CYRIB: variants seen among roughly 807,000 people sequenced by gnomAD.
The protein encoded by CYRIB is CYFIP-related Rac1 interactor B.
A neutral mutation model predicts 44.2 loss-of-function variants in CYRIB; 8 were observed. The observed-to-expected ratio is 0.18, with a 90% CI of 0.11 to 0.33. The LOEUF is 0.33. CYRIB is among the 10% of genes least tolerant of loss of function. The probability of loss-of-function intolerance (pLI) is 1.00; values close to 1 mark genes in which losing one functional copy is unlikely to be tolerated. For missense variants in CYRIB, 185 were observed against 382.8 expected (o/e 0.48, Z 4.31); for synonymous variants, 131 against 127.2 (o/e 1.03, Z -0.20).
At chr8:129,851,227 A>T (rs2043077543) in intron 8 of CYRIB, 1 of 285,832 alleles carries the variant, frequency 3.5e-6, no homozygotes, top group Non-Finnish European at 6.6e-6. Flanking sequence ...ATTTTATCCT[A>T]AGGGTACTAG....
chr8:129,885,137 C>T (rs532267397), intron 2 of CYRIB, among the ~76,000 whole-genome samples: 33 of 152,236 alleles, frequency 2.2e-4, no homozygotes, highest in Non-Finnish European at 4.3e-4. Context: ...TACTTTTTCT[C>T]CTCAAGGTAC....
chr8:129,852,429 A>T, intron 7 of CYRIB, 151 bp from the exon 10 acceptor site: 2 of 404,314 alleles, frequency 4.9e-6, no homozygotes, highest in Non-Finnish European at 4.3e-6. Flanking sequence ...AAAAAAAGTT[A>T]TTTTTTTTAA....
At chr8:129,995,437 C>T (rs572592159) in intron 1 of CYRIB, among the ~76,000 whole-genome samples, 24 of 152,270 alleles carry the variant, frequency 1.6e-4, no homozygotes, top group African/African-American at 5.8e-4. Context: ...CTTCCCCTAC[C>T]CTAGAAGCCA....
chr8:129,924,043 G>A (rs964782465), intron 1 of CYRIB, among the ~76,000 whole-genome samples: 1 of 148,412 alleles, frequency 6.7e-6, no homozygotes, highest in Admixed American at 6.8e-5. Flanking sequence ...GGCTGAGGCA[G>A]GAGAACTGCC....
rs796342201 is a variant in CYRIB, at chr8:129,857,450, A to G, written c.302-1703T>C. 2.6e-5 allele frequency among the ~76,000 whole-genome samples: 4 copies of G among 152,188 alleles called. No individual in the cohort carries two copies. In the South Asian group the frequency reaches 8.3e-4, roughly 32 times the overall value. On this transcript the variant is annotated intron_variant, in intron 5 of 11. Transcript: ENST00000519824. ...AGCATGACATACTTGAGGAACTGCAACACCACCAATATAGGAGCACAGAGG... is the reference window on the plus strand; with the variant it reads ...AGCATGACATACTTGAGGAACTGCAGCACCACCAATATAGGAGCACAGAGG...
chr8:129,943,463 C>A (rs2093885550), upstream of CYRIB, among the ~76,000 whole-genome samples: 1 of 151,464 alleles, frequency 6.6e-6, no homozygotes, highest in African/African-American at 2.4e-5. Flanking sequence ...CATGGTGGCA[C>A]GCGCCTCTGT....
chr8:129,967,535 A>T (rs558438782), intron 2 of CYRIB, among the ~76,000 whole-genome samples: 1 of 151,568 alleles, frequency 6.6e-6, no homozygotes, highest in East Asian at 1.9e-4. Flanking sequence ...GCCTGCCACC[A>T]TGCCCGGCTA....
At chr8:129,989,535 A>G (rs888546402) in intron 1 of CYRIB, among the ~76,000 whole-genome samples, 7 of 151,958 alleles carry the variant, frequency 4.6e-5, no homozygotes, top group Admixed American at 6.6e-5. Context: ...TAGCAGGTGC[A>G]TGGCCAGAGG....
intron 4 of CYRIB, among the ~76,000 whole-genome samples, chr8:129,865,481 T>C (rs1002183539): frequency 6.6e-6 from 1 of 152,234 alleles, no homozygotes; most frequent in South Asian, 2.1e-4. Flanking sequence ...TAGAAAAACA[T>C]GGACTCAAAT....
chr8:129,989,640 C>CTTT (rs545615460), intron 1 of CYRIB, among the ~76,000 whole-genome samples: 1 of 136,794 alleles, frequency 7.3e-6, no homozygotes, highest in Non-Finnish European at 1.6e-5. Context: ...GATGCCCTTT[C>CTTT]TTTTTTTTTT....
chr8:129,900,120 G>A (rs2070746233), intron 2 of CYRIB, among the ~76,000 whole-genome samples: 1 of 152,084 alleles, frequency 6.6e-6, no homozygotes, highest in South Asian at 2.1e-4. Flanking sequence ...ACTTGAACGA[G>A]CTCAACTCCC....
upstream of CYRIB, among the ~76,000 whole-genome samples, chr8:129,943,212 TAAAAC>T (rs779483833): frequency 6.6e-6 from 1 of 151,852 alleles, no homozygotes; most frequent in Non-Finnish European, 1.5e-5. Flanking sequence ...ATCTTGCACT[TAAAAC>T]AAAGCATGAC....
At chr8:129,959,045 CAG>C (rs1409370533) in intron 2 of CYRIB, among the ~76,000 whole-genome samples, 2 of 111,396 alleles carry the variant, frequency 1.8e-5, no homozygotes, top group Non-Finnish European at 3.3e-5. Flanking sequence ...GCCTGGGCAA[CAG>C]AGACTCTGTC....
At chr8:129,935,895 G>T (rs1385926496) in intron 1 of CYRIB, among the ~76,000 whole-genome samples, 1 of 152,182 alleles carries the variant, frequency 6.6e-6, no homozygotes, top group Non-Finnish European at 1.5e-5. Flanking sequence ...AGATGTGAAG[G>T]TGTGTTGCAA....
chr8:129,894,979 C>T (rs1167988281), intron 2 of CYRIB, among the ~76,000 whole-genome samples: 1 of 149,086 alleles, frequency 6.7e-6, no homozygotes, highest in Non-Finnish European at 1.5e-5. Flanking sequence ...TCTTTTTCGC[C>T]CAGGCTGGAG....
chr8:129,867,091 C>A (rs1008331894), intron 4 of CYRIB, among the ~76,000 whole-genome samples: 8 of 152,292 alleles, frequency 5.3e-5, no homozygotes, highest in African/African-American at 1.9e-4. Context: ...GAGTTCAAGA[C>A]CAGTCTCGGC....
intron 2 of CYRIB, among the ~76,000 whole-genome samples, chr8:129,885,069 T>C (rs1011091212): frequency 6.6e-6 from 1 of 152,330 alleles, no homozygotes; most frequent in Middle Eastern, 3.4e-3. Flanking sequence ...ACCCTACAAT[T>C]ACTATAATAT....
At chr8:129,947,486 C>T (rs936871996) in intron 2 of CYRIB, among the ~76,000 whole-genome samples, 3 of 152,152 alleles carry the variant, frequency 2.0e-5, no homozygotes, top group Non-Finnish European at 4.4e-5. Flanking sequence ...ATCACCATGC[C>T]CACTGCAGTT....
In CYRIB at chr8:130,006,605, TAC is replaced by T. The variant is rs1238120354; in HGVS notation, c.-296+9763_-296+9764del. Among the ~76,000 whole-genome samples the T allele has an allele frequency of 8.3e-3, 193 of 23,318 alleles. 44 individuals carry two copies. The East Asian group carries it at 0.11, about 13-fold the overall frequency. 15.3% of individuals were successfully genotyped at this position (23,318 alleles called of 152,430 possible). ...ACTAAAAACACAAATTATATATATA[TAC>T]ATATATATGTGTATATATATACATA... On this transcript the variant is annotated intron_variant, in intron 1 of 14. Coordinates refer to the CYRIB transcript ENST00000401979.
Sources: allele counts gnomAD v4.1 joint callset (sites outside exome capture counted in the v4.1 genomes callset), GRCh38; gene constraint gnomAD v4.1.1; transcripts MANE v1.5; gene names NCBI Gene and HGNC (gene_info 2026-07-23, HGNC 2026-07-21).